ADAM19: variants seen among roughly 807,000 people sequenced by gnomAD.
The protein encoded by ADAM19 is ADAM metallopeptidase domain 19.
In ADAM19, 65 loss-of-function variants were observed where a neutral mutation model predicts 114.7. The observed-to-expected ratio is 0.57, with a 90% CI of 0.46 to 0.70. ADAM19 has a LOEUF of 0.70. ADAM19 is among the 30% of genes least tolerant of loss of function. ADAM19 has a pLI of 0.00. For synonymous variants in ADAM19, 466 were observed against 460.5 expected (o/e 1.01, Z -0.15); for missense variants, 1,063 against 1,204.7 (o/e 0.88, Z 1.74).
At position 157,488,325 on chromosome 5, in the gene ADAM19, C is replaced by G; in HGVS notation, c.2490G>C (p.Ser830=). The stretch of plus-strand genomic sequence containing the variant: ...GCCGGCTTGGAGGAGGCCTCCTGGA[C>G]GACTCCGTCCTCTCTATTTGAGACC... ...GPGSQIERTE[S]SRRPPPSRPI... Residue 830 remains serine (S), a synonymous_variant, in exon 21 of 23, where the codon TCG becomes TCC. Coordinates refer to ENST00000257527, the MANE Select transcript of ADAM19 (RefSeq NM_033274.5). 1 of 1,614,150 alleles carries G rather than the reference C, an allele frequency of 6.2e-7. No individual in the cohort carries two copies. Among genetic ancestry groups the G allele is most frequent in the Non-Finnish European group, 8.5e-7 (1 of 1,180,012 alleles).
chr5:157,552,581 A>G (rs1757230347), intron 3 of ADAM19, among the ~76,000 whole-genome samples: 1 of 148,336 alleles, frequency 6.7e-6, no homozygotes, highest in African/African-American at 2.5e-5. Context: ...CGGGAGGCTG[A>G]GACAGGAGAA....
At chr5:157,506,298 A>G (rs1255354065) in intron 10 of ADAM19, among the ~76,000 whole-genome samples, 2 of 152,216 alleles carry the variant, frequency 1.3e-5, no homozygotes, top group Admixed American at 6.5e-5. Flanking sequence ...CAAGAGGAAA[A>G]AAACCCAGCA....
chr5:157,486,334 C>T (rs1339906581), intron 21 of ADAM19, among the ~76,000 whole-genome samples: 2 of 152,190 alleles, frequency 1.3e-5, no homozygotes, highest in Admixed American at 1.3e-4. Flanking sequence ...CAGCAGCCCC[C>T]ACTCAGAGCA....
intron 21 of ADAM19, among the ~76,000 whole-genome samples, chr5:157,485,371 C>T (rs540209985): frequency 2.3e-4 from 35 of 152,184 alleles, no homozygotes; most frequent in Non-Finnish European, 4.6e-4. Flanking sequence ...ATTATCACAA[C>T]GTGAATACAC....
intron 5 of ADAM19, among the ~76,000 whole-genome samples, chr5:157,530,470 G>T (rs775123110): frequency 6.6e-6 from 1 of 152,044 alleles, no homozygotes; most frequent in South Asian, 2.1e-4. Context: ...TCCCCGTGCC[G>T]CCCCCCATGG....
In ADAM19 at chr5:157,479,567, C is replaced by A; in HGVS notation, c.*1382G>T. ...AGCACCACACGGCCCTCCTTCCCTGCTGCAGGGAAGACAGGAGCCACCGCA... is the reference window on the plus strand; with the variant it reads ...AGCACCACACGGCCCTCCTTCCCTGATGCAGGGAAGACAGGAGCCACCGCA... On this transcript the variant is annotated 3_prime_UTR_variant, in exon 23 of 23. Coordinates refer to ENST00000257527, the MANE Select transcript of ADAM19 (RefSeq NM_033274.5). The A allele has an allele frequency of 3.0e-6, 3 of 985,838 alleles. No homozygotes were observed. Among genetic ancestry groups the A allele is most frequent in the Non-Finnish European group, 3.6e-6 (3 of 829,948 alleles). 61.1% of individuals were successfully genotyped at this position (985,838 alleles called of 1,614,324 possible). A position where few individuals can be genotyped will look rare whatever the true frequency, so the allele number is the denominator to read the frequency against.
At chr5:157,493,283 G>A in intron 15 of ADAM19, 106 bp from the exon 16 acceptor site, 2 of 1,228,132 alleles carry the variant, frequency 1.6e-6, no homozygotes, top group South Asian at 2.8e-5. Flanking sequence ...AGGCTTGCGT[G>A]GGGTGGGGCA....
At chr5:157,557,927 A>C in intron 3 of ADAM19, among the ~76,000 whole-genome samples, 1 of 152,180 alleles carries the variant, frequency 6.6e-6, no homozygotes, top group East Asian at 1.9e-4. Context: ...GCAAATGGAG[A>C]CCCTGCTTAT....
Position 157,564,388 on chromosome 5 carries a change from T to A in ADAM19, c.236A>T (p.Asp79Val), listed in dbSNP as rs373220548. The change falls in exon 3 of 23, where the codon GAC becomes GTC. Residue 79 changes from aspartate to valine, a missense_variant. Coordinates refer to ENST00000257527, the MANE Select transcript of ADAM19 (RefSeq NM_033274.5). ...VMAEGRELIL[D>V]LEKNEQLFAP... ...GTCCACTTACTCATTCTTCTCCAGG[T>A]CCAGGATCAGTTCTCGCCCCTCAGC... The A allele has an allele frequency of 3.1e-6, 5 of 1,614,026 alleles. No homozygotes were observed. The highest frequency in any genetic ancestry group is 4.2e-6 in the Non-Finnish European group (5 of 1,180,004).
At chr5:157,491,472 G>T in intron 18 of ADAM19, 143 bp downstream of exon 18, 1 of 597,034 alleles carries the variant, frequency 1.7e-6, no homozygotes, top group Non-Finnish European at 2.8e-6. Flanking sequence ...CCTCTCTCTT[G>T]GTCTGTCTTT....
chr5:157,480,673 C>G lies in ADAM19; in HGVS notation c.*276G>C. On this transcript the variant is annotated 3_prime_UTR_variant, in exon 23 of 23. Coordinates refer to ENST00000257527, the MANE Select transcript of ADAM19 (RefSeq NM_033274.5). ...CGGGGCTAGGAGTCTGGAGGAGAAG[C>G]TGCCAGTCACCCTCCTCATACTCTC... 1 of 1,246,656 alleles carries G rather than the reference C, an allele frequency of 8.0e-7. No individual in the cohort carries two copies. The highest frequency in any genetic ancestry group is 1.0e-6 in the Non-Finnish European group (1 of 989,408). The allele number at this position is 1,246,656 out of a possible 1,614,324, so 77.2% of individuals were successfully genotyped here. A position where few individuals can be genotyped will look rare whatever the true frequency, so the allele number is the denominator to read the frequency against.
At chr5:157,542,995 C>T (rs1038661750) in intron 3 of ADAM19, among the ~76,000 whole-genome samples, 3 of 152,084 alleles carry the variant, frequency 2.0e-5, no homozygotes, top group African/African-American at 4.8e-5. Flanking sequence ...TAAGATACAA[C>T]AGAAATGCAA....
intron 3 of ADAM19, among the ~76,000 whole-genome samples, chr5:157,544,343 C>T (rs1244334325): frequency 1.3e-5 from 2 of 152,224 alleles, no homozygotes; most frequent in African/African-American, 4.8e-5. Context: ...CCAAACAATG[C>T]GTTAAGTCAA....
rs779004435 is a variant in ADAM19 at position 157,509,380 on chromosome 5, A to G, written c.826T>C (p.Tyr276His). The G allele has an allele frequency of 6.2e-7, 1 of 1,613,868 alleles. No individual in the cohort carries two copies. The highest frequency in any genetic ancestry group is 1.1e-5 in the South Asian group (1 of 90,950). Reference sequence around the variant, plus strand: ...CTGAGAAAGGACCAGAGGGTAGAATATGGATTCTCTGAAACTTCACACATG... The same window carrying G: ...CTGAGAAAGGACCAGAGGGTAGAATGTGGATTCTCTGAAACTTCACACATG... ...GNMCEVSENPYSTLWSFLSWR... is the reference protein window; with the variant it reads ...GNMCEVSENPHSTLWSFLSWR... Residue 276 changes from tyrosine to histidine, a missense_variant, in exon 9 of 23, where the codon TAT (tyrosine) becomes CAT (histidine). Physicochemically the swap from Tyr to His is moderately conservative, Grantham distance 83 (BLOSUM62 2). Around this residue, in one of 3 missense-constraint regions of ADAM19, gnomAD observed 615 missense variants for 706.3 expected, o/e 0.87. Transcript: ENST00000257527.
chr5:157,575,489 C>G, intron 1 of ADAM19, 114 bp downstream of exon 1: 1 of 719,732 alleles, frequency 1.4e-6, no homozygotes, highest in Non-Finnish European at 2.0e-6. Context: ...GGGGCGCAGG[C>G]CCCGCGGAGT....
In ADAM19 at chr5:157,502,884, G is replaced by T. The variant is rs985093751; in HGVS notation, c.1227C>A (p.Asp409Glu). The T allele has an allele frequency of 7.4e-6, 12 of 1,614,026 alleles. No homozygotes were observed. The highest frequency in any genetic ancestry group is 1.0e-5 in the Non-Finnish European group (12 of 1,180,030). ...TCCGGCCTCCATACAACATCCTGGT[G>T]TCTGGCATGTTGGAGAGACACATTC... ...GGGMCLSNMP[D>E]TRMLYGGRRC... Residue 409 changes from aspartate (D) to glutamate (E), a missense_variant, in exon 12 of 23, where the codon GAC (aspartate) becomes GAA (glutamate). Around this residue, in one of 3 missense-constraint regions of ADAM19, gnomAD observed 615 missense variants for 706.3 expected, o/e 0.87. Transcript: ENST00000257527.
chr5:157,530,238 C>T (rs1368823477), intron 5 of ADAM19, among the ~76,000 whole-genome samples: 2 of 152,206 alleles, frequency 1.3e-5, no homozygotes, highest in Non-Finnish European at 2.9e-5. Flanking sequence ...GGCACTCTCA[C>T]CCTCTGGGCC....
chr5:157,479,729 T>C lies in ADAM19; in HGVS notation c.*1220A>G, dbSNP rs1754689995. 7.1e-6 allele frequency: 7 copies of C among 985,878 alleles called. No homozygotes were observed. Among genetic ancestry groups the C allele is most frequent in the Non-Finnish European group, 7.2e-6 (6 of 830,144 alleles). The allele number at this position is 985,878 out of a possible 1,614,324, so 61.1% of individuals were successfully genotyped here. A position where few individuals can be genotyped will look rare whatever the true frequency, so the allele number is the denominator to read the frequency against. On this transcript the variant is annotated 3_prime_UTR_variant, in exon 23 of 23. Transcript: ENST00000257527. Reference sequence around the variant, plus strand: ...CCTGCTCTGACTGTTCCAGTGCAGCTGCTGCTGGCTGCCTTCTCCAGTGAT... The same window carrying C: ...CCTGCTCTGACTGTTCCAGTGCAGCCGCTGCTGGCTGCCTTCTCCAGTGAT...
chr5:157,513,385 A>G, intron 8 of ADAM19, 49 bp downstream of exon 8: 1 of 1,576,060 alleles, frequency 6.3e-7, no homozygotes, highest in Non-Finnish European at 8.7e-7. Context: ...GTGCCCTTGG[A>G]AGTGCTGGCA....
Sources: gnomAD v4.1 joint callset for allele counts (sites outside exome capture counted in the v4.1 genomes callset) on GRCh38, gnomAD v4.1.1 for gene constraint, gnomAD v4.1.1 regional missense constraint, MANE v1.5 for transcripts, NCBI Gene and HGNC (gene_info 2026-07-23, HGNC 2026-07-21) for gene names.